THSD4: variants seen among roughly 807,000 people sequenced by gnomAD.
THSD4 encodes the protein thrombospondin type 1 domain containing 4.
THSD4 carries 69 observed loss-of-function variants against 119.0 expected under a neutral mutation model. That is an observed-to-expected ratio of 0.58 (90% CI 0.48 to 0.71). THSD4 has a LOEUF of 0.71. THSD4 is among the 30% of genes least tolerant of loss of function. The probability of loss-of-function intolerance (pLI) is 0.00; values close to 1 mark genes in which losing one functional copy is unlikely to be tolerated. For synonymous variants in THSD4, 524 were observed against 540.4 expected (o/e 0.97, Z 0.42); for missense variants, 1,393 against 1,391.1 (o/e 1.00, Z -0.02).
intron 6 of THSD4, among the ~76,000 whole-genome samples, chr15:71,370,187 G>T (rs1319915499): frequency 6.6e-6 from 1 of 151,802 alleles, no homozygotes; most frequent in Non-Finnish European, 1.5e-5. Flanking sequence ...TTCTTTATTA[G>T]TATTGCTAGT....
At chr15:71,578,273 A>C (rs1404204759) in intron 7 of THSD4, among the ~76,000 whole-genome samples, 3 of 148,578 alleles carry the variant, frequency 2.0e-5, no homozygotes, top group Non-Finnish European at 4.5e-5. Flanking sequence ...CCAGGTGGTT[A>C]TCTTGGCAGT....
chr15:71,612,328 T>C (rs1595787217), intron 7 of THSD4, among the ~76,000 whole-genome samples: 1 of 152,166 alleles, frequency 6.6e-6, no homozygotes, highest in Non-Finnish European at 1.5e-5. Context: ...CCCGGTGGGA[T>C]TGAGGCCAGA....
At chr15:71,293,733 T>C (rs1228594246) in intron 6 of THSD4, among the ~76,000 whole-genome samples, 1 of 152,162 alleles carries the variant, frequency 6.6e-6, no homozygotes, top group Non-Finnish European at 1.5e-5. Flanking sequence ...CTCCTCTCTT[T>C]TTGCTTTGTC....
At chr15:71,172,718 T>C (rs1264006922) in intron 3 of THSD4, among the ~76,000 whole-genome samples, 2 of 117,866 alleles carry the variant, frequency 1.7e-5, no homozygotes, top group Non-Finnish European at 3.4e-5. Context: ...TATATATATA[T>C]ATATATATAT....
At chr15:71,223,765 G>A (rs1048931812) in intron 4 of THSD4, among the ~76,000 whole-genome samples, 4 of 152,146 alleles carry the variant, frequency 2.6e-5, no homozygotes, top group Admixed American at 6.5e-5. Flanking sequence ...GGGATGAGCC[G>A]AGGGCTGTGG....
intron 7 of THSD4, among the ~76,000 whole-genome samples, chr15:71,421,310 T>TGTACCAC: frequency 6.8e-6 from 1 of 146,926 alleles, no homozygotes. Flanking sequence ...ATTTTCTTTC[T>TGTACCAC]AGTCTCTTTC....
At chr15:71,498,222 T>C (rs1403724994) in intron 7 of THSD4, among the ~76,000 whole-genome samples, 1 of 152,200 alleles carries the variant, frequency 6.6e-6, no homozygotes, top group Non-Finnish European at 1.5e-5. Context: ...ATCCATATAG[T>C]ATTGTAATTT....
rs781639830 is a variant in THSD4 at position 71,660,673 on chromosome 15, G to A, written c.1296G>A (p.Glu432=). 2 of 1,614,192 alleles carry A rather than the reference G, an allele frequency of 1.2e-6. No homozygotes were observed. The highest frequency in any genetic ancestry group is 1.1e-5 in the South Asian group (1 of 91,086). ...LTSLGYHRVV[E]IPEGATKINI... is the part of the protein sequence containing the mutation. ...GCCTGGGCTACCACCGCGTCGTGGA[G>A]ATTCCCGAGGGAGCCACGAAAATCA... is the stretch of plus-strand genomic sequence containing the variant. Residue 432 remains glutamate, a synonymous_variant, in exon 8 of 18, where the codon GAG becomes GAA. Coordinates refer to ENST00000261862, the MANE Select transcript of THSD4 (RefSeq NM_024817.3).
intron 6 of THSD4, among the ~76,000 whole-genome samples, chr15:71,257,940 G>C (rs2044339549): frequency 6.6e-6 from 1 of 152,050 alleles, no homozygotes; most frequent in South Asian, 2.1e-4. Context: ...AGGGTGAAGG[G>C]TGAGCAAAAG....
chr15:71,713,159 A>G (rs1048954158), intron 8 of THSD4, among the ~76,000 whole-genome samples: 2 of 152,328 alleles, frequency 1.3e-5, no homozygotes, highest in South Asian at 2.1e-4. Context: ...TCTTAATCCA[A>G]TATGCCATCA....
chr15:71,670,425 G>A (rs1052408748), intron 8 of THSD4, among the ~76,000 whole-genome samples: 1 of 150,332 alleles, frequency 6.7e-6, no homozygotes, highest in African/African-American at 2.5e-5. Flanking sequence ...CTTTTTTATG[G>A]CTGCATAGTA....
intron 7 of THSD4, among the ~76,000 whole-genome samples, chr15:71,632,462 C>A (rs2050650997): frequency 6.6e-6 from 1 of 152,228 alleles, no homozygotes; most frequent in African/African-American, 2.4e-5. Flanking sequence ...AAGCCAAAAG[C>A]CCTATGGCCA....
chr15:71,485,245 G>C (rs1352813429), intron 7 of THSD4, among the ~76,000 whole-genome samples: 1 of 152,118 alleles, frequency 6.6e-6, no homozygotes, highest in East Asian at 1.9e-4. Flanking sequence ...GCATGGTATG[G>C]AGCCTTAGAT....
chr15:71,151,043 C>T (rs951795223), intron 2 of THSD4, among the ~76,000 whole-genome samples: 1 of 152,024 alleles, frequency 6.6e-6, no homozygotes, highest in East Asian at 1.9e-4. Context: ...GTATGTGAGA[C>T]GGTAAATGCT....
chr15:71,188,177 G>A (rs867810214), intron 3 of THSD4, among the ~76,000 whole-genome samples: 1 of 152,186 alleles, frequency 6.6e-6, no homozygotes, highest in Non-Finnish European at 1.5e-5. Context: ...AGAGGAGTTA[G>A]GTGTTTGCAG....
intron 7 of THSD4, among the ~76,000 whole-genome samples, chr15:71,581,626 C>CT (rs111863985): frequency 0.17 from 26,018 of 152,020 alleles, 2,330 homozygotes; most frequent in Middle Eastern, 0.24. Flanking sequence ...CTTTTTTCCT[C>CT]TTTTCTCCTG....
intron 7 of THSD4, among the ~76,000 whole-genome samples, chr15:71,459,442 C>T (rs2047396721): frequency 6.6e-6 from 1 of 151,366 alleles, no homozygotes; most frequent in African/African-American, 2.4e-5. Context: ...TGCTCCTGAG[C>T]TGGTCACCCA....
intron 2 of THSD4, among the ~76,000 whole-genome samples, chr15:71,151,500 C>T (rs1157052357): frequency 6.6e-6 from 1 of 151,920 alleles, no homozygotes; most frequent in Non-Finnish European, 1.5e-5. Flanking sequence ...CACATTAACT[C>T]ATTTGAGGTA....
rs140418454 is a variant in THSD4 at position 71,412,879 on chromosome 15, T to G, written c.1152+1056T>G. On this transcript the variant is annotated intron_variant, in intron 7 of 17. Coordinates refer to ENST00000261862, the MANE Select transcript of THSD4 (RefSeq NM_024817.3). ...TGGATGTATATATTTATGAGGTATA[T>G]GTGATATTTTGATACAGACATACAG... Among the ~76,000 whole-genome samples, 536 of 152,352 alleles carry G rather than the reference T, an allele frequency of 3.5e-3. 5 individuals carry two copies. The highest frequency in any genetic ancestry group is 0.012 in the African/African-American group (507 of 41,570).
Sources: gnomAD v4.1 joint callset for allele counts (sites outside exome capture counted in the v4.1 genomes callset) on GRCh38, gnomAD v4.1.1 for gene constraint, MANE v1.5 for transcripts, NCBI Gene and HGNC (gene_info 2026-07-23, HGNC 2026-07-21) for gene names.